The following MET variants were observed in gnomAD, a reference collection of about 807,000 sequenced individuals.
MET encodes MET proto-oncogene, receptor tyrosine kinase.
Under a neutral mutation model 133.1 loss-of-function variants are expected in MET, and 48 were observed. The ratio of observed to expected loss-of-function variants is 0.36; its 90% CI spans 0.29 to 0.46. The LOEUF is 0.46. Among genes scored for constraint, MET ranks in the 20% least tolerant of loss-of-function variants. The probability of loss-of-function intolerance (pLI) is 1.00; values close to 1 mark genes in which losing one functional copy is unlikely to be tolerated. For synonymous variants in MET, 628 were observed against 616.5 expected (o/e 1.02, Z -0.28); for missense variants, 1,442 against 1,695.9 (o/e 0.85, Z 2.63).
intron 2 of MET, among the ~76,000 whole-genome samples, chr7:116,724,490 G>A (rs1336774980): frequency 3.3e-5 from 5 of 152,232 alleles, no homozygotes; most frequent in East Asian, 1.9e-4. Flanking sequence ...TCTTGGCTCC[G>A]TGGATAAGCC....
At chr7:116,735,777 G>A (rs1253860544) in intron 3 of MET, among the ~76,000 whole-genome samples, 1 of 134,758 alleles carries the variant, frequency 7.4e-6, no homozygotes, top group African/African-American at 2.7e-5. Flanking sequence ...TGTTAGCTTT[G>A]GCTTTTTTTT....
chr7:116,677,080 G>A (rs1326998718), intron 1 of MET, among the ~76,000 whole-genome samples: 1 of 150,556 alleles, frequency 6.6e-6, no homozygotes, highest in Admixed American at 6.6e-5. Flanking sequence ...CAGAGATATT[G>A]CTCCATTCAG....
rs1431683899 is a variant in MET at position 116,777,419 on chromosome 7, T to C, written c.3290T>C (p.Leu1097Ser). The C allele has an allele frequency of 6.2e-7, 1 of 1,613,914 alleles. No individual in the cohort carries two copies. The highest frequency in any genetic ancestry group is 8.5e-7 in the Non-Finnish European group (1 of 1,179,858). Reference protein sequence around the residue: ...GHFGCVYHGTLLDNDGKKIHC... With the variant: ...GHFGCVYHGTSLDNDGKKIHC... ...TTTGGTTGTGTATATCATGGGACTT[T>C]GTTGGACAATGATGGCAAGAAAATT... The change falls in exon 16 of 21, where the codon TTG becomes TCG. Residue 1097 changes from leucine to serine, a missense_variant. Around this residue, in one of 6 missense-constraint regions of MET, gnomAD observed 514 missense variants for 659.6 expected, o/e 0.78. Transcript: ENST00000397752.
At chr7:116,764,538 T>A (rs1386101878) in intron 11 of MET, among the ~76,000 whole-genome samples, 1 of 152,182 alleles carries the variant, frequency 6.6e-6, no homozygotes, top group Non-Finnish European at 1.5e-5. Flanking sequence ...ATTTTTCTGT[T>A]CCTGTATCTA....
chr7:116,711,383 T>G (rs1365888853), intron 2 of MET, among the ~76,000 whole-genome samples: 3 of 152,242 alleles, frequency 2.0e-5, no homozygotes. Flanking sequence ...AAGCACTCTA[T>G]CCAGTTGCTG....
chr7:116,741,068 T>A, intron 5 of MET, 43 bp downstream of exon 5: 1 of 304,794 alleles, frequency 3.3e-6, no homozygotes, highest in South Asian at 5.0e-5. Context: ...TTGTTTGGTG[T>A]TTTTTTTTTT....
chr7:116,702,253 T>C (rs1791608604), intron 2 of MET, among the ~76,000 whole-genome samples: 1 of 152,136 alleles, frequency 6.6e-6, no homozygotes, highest in African/African-American at 2.4e-5. Context: ...GCCAACATAG[T>C]CTTCTTACAA....
intron 5 of MET, among the ~76,000 whole-genome samples, chr7:116,754,738 G>C (rs1794059466): frequency 1.3e-5 from 2 of 151,230 alleles, no homozygotes; most frequent in Non-Finnish European, 1.5e-5. Flanking sequence ...GATTGCTTGA[G>C]CTCAAGAGGT....
At chr7:116,685,406 A>G (rs1475593851) in intron 1 of MET, among the ~76,000 whole-genome samples, 2 of 152,310 alleles carry the variant, frequency 1.3e-5, no homozygotes, top group Non-Finnish European at 2.9e-5. Context: ...GGCTGAGTGC[A>G]GTGGCTCATG....
At chr7:116,777,321 G>A (rs1205031728) in intron 15 of MET, 68 bp from the exon 16 acceptor site, 18 of 1,284,932 alleles carry the variant, frequency 1.4e-5, no homozygotes, top group Non-Finnish European at 1.7e-5. Flanking sequence ...GCTCATAAAG[G>A]GTTTGATAAA....
intron 2 of MET, among the ~76,000 whole-genome samples, chr7:116,726,861 A>C (rs1376106698): frequency 6.6e-6 from 1 of 152,234 alleles, no homozygotes; most frequent in Non-Finnish European, 1.5e-5. Flanking sequence ...AAGAGATAGG[A>C]GACCAGAAGG....
chr7:116,766,242 G>A (rs1794623457), intron 11 of MET, among the ~76,000 whole-genome samples: 2 of 152,126 alleles, frequency 1.3e-5, no homozygotes, highest in African/African-American at 2.4e-5. Flanking sequence ...TTGCCTTGGG[G>A]GTTTATCTTA....
chr7:116,711,251 G>A (rs1791983028), intron 2 of MET, among the ~76,000 whole-genome samples: 1 of 152,128 alleles, frequency 6.6e-6, no homozygotes, highest in African/African-American at 2.4e-5. Context: ...CCTGAACGTA[G>A]TTCCCCAGTG....
chr7:116,736,472 T>G (rs1480082286), intron 3 of MET, among the ~76,000 whole-genome samples: 3 of 152,224 alleles, frequency 2.0e-5, no homozygotes, highest in East Asian at 3.8e-4. Context: ...AAAATTTAAT[T>G]CTATTAATAA....
rs758565332 is a variant in MET at position 116,740,083 on chromosome 7, A to T, written c.1526A>T (p.Lys509Met). 1.9e-6 allele frequency: 3 copies of T among 1,614,060 alleles called. No homozygotes were observed. The South Asian group carries it at 3.3e-5, about 18-fold the overall frequency. ...NGYTLVITGK[K>M]ITKIPLNGLG... Reference sequence around the variant, plus strand: ...TACACACTGGTTATCACTGGGAAGAAGGTAAGCTGTTCCCACAGGGAATTT... The same window carrying T: ...TACACACTGGTTATCACTGGGAAGATGGTAAGCTGTTCCCACAGGGAATTT... Residue 509 changes from lysine (K) to methionine (M), a missense_variant and splice_region_variant, in exon 4 of 21, where the codon AAG becomes ATG. Lys to Met is a moderately conservative substitution (Grantham distance 95). Coordinates refer to ENST00000397752, the MANE Select transcript of MET (RefSeq NM_000245.4).
chr7:116,793,277 C>T (rs1478342550), intron 19 of MET, among the ~76,000 whole-genome samples: 3 of 151,728 alleles, frequency 2.0e-5, no homozygotes, highest in Admixed American at 1.3e-4. Context: ...CAGGTTCAAG[C>T]GATTGTCCTG....
At chr7:116,780,325 T>G (rs1338670172) in intron 17 of MET, among the ~76,000 whole-genome samples, 1 of 152,138 alleles carries the variant, frequency 6.6e-6, no homozygotes, top group African/African-American at 2.4e-5. Context: ...AAAGCAACTT[T>G]ATAAATATGG....
chr7:116,691,000 T>C (rs1256920012), intron 1 of MET, among the ~76,000 whole-genome samples: 1 of 152,210 alleles, frequency 6.6e-6, no homozygotes, highest in East Asian at 1.9e-4. Flanking sequence ...ATAAACATAA[T>C]ATAAATGTGG....
intron 11 of MET, 71 bp from the exon 12 acceptor site, chr7:116,769,574 C>G (rs2116981457): frequency 6.4e-7 from 1 of 1,566,516 alleles, no homozygotes; most frequent in Non-Finnish European, 8.7e-7. Context: ...TATTTATATT[C>G]CTTTGCCATT....
Sources: gnomAD v4.1 joint callset for allele counts (sites outside exome capture counted in the v4.1 genomes callset) on GRCh38, gnomAD v4.1.1 for gene constraint, gnomAD v4.1.1 regional missense constraint, MANE v1.5 for transcripts, NCBI Gene and HGNC (gene_info 2026-07-23, HGNC 2026-07-21) for gene names.